Variants in DPH6 observed in about 807,000 individuals in gnomAD.
DPH6 encodes the protein diphthamine biosynthesis 6.
A neutral mutation model predicts 38.2 loss-of-function variants in DPH6; 33 were observed. That is an observed-to-expected ratio of 0.86 (90% CI 0.65 to 1.15). DPH6 has a LOEUF of 1.15. DPH6 is among the 50% of genes most tolerant of loss of function. The pLI, the probability that DPH6 is intolerant of heterozygous loss-of-function variation, is 0.00. For missense variants in DPH6, 325 were observed against 320.0 expected (o/e 1.02, Z -0.12); for synonymous variants, 108 against 103.0 (o/e 1.05, Z -0.30).
chr15:35,349,524 C>A (rs1215500893), intron 3 of DPH6, among the ~76,000 whole-genome samples: 3 of 152,146 alleles, frequency 2.0e-5, no homozygotes, highest in Admixed American at 6.5e-5. Context: ...GCAACCTCTG[C>A]CTTCTGGGTT....
intron 5 of DPH6, among the ~76,000 whole-genome samples, 157 bp downstream of exon 5, chr15:35,450,528 T>C (rs2053918770): frequency 6.6e-6 from 1 of 152,140 alleles, no homozygotes; most frequent in Non-Finnish European, 1.5e-5. Flanking sequence ...AAACTTCCTT[T>C]TCTTTATGCA....
intron 3 of DPH6, among the ~76,000 whole-genome samples, chr15:35,344,635 T>A (rs187827582): frequency 1.1e-4 from 17 of 152,038 alleles, no homozygotes; most frequent in Non-Finnish European, 1.9e-4. Context: ...GCATATGATA[T>A]AATACATTGT....
intron 3 of DPH6, chr15:35,299,372 G>C (rs190268515): frequency 1.0e-3 from 934 of 925,618 alleles, no homozygotes; most frequent in Non-Finnish European, 1.5e-3. Flanking sequence ...TGAGACTGTA[G>C]AAGTTTGAAG....
chr15:35,291,701 G>T (rs183394524), intron 3 of DPH6, among the ~76,000 whole-genome samples: 1 of 152,162 alleles, frequency 6.6e-6, no homozygotes, highest in South Asian at 2.1e-4. Context: ...AAAAGATGAT[G>T]TGATATCTTA....
At chr15:35,410,754 AT>A in intron 6 of DPH6, 80 bp downstream of exon 6, 1 of 1,200,652 alleles carries the variant, frequency 8.3e-7, no homozygotes, top group Non-Finnish European at 1.1e-6. Flanking sequence ...AATAAAGTAA[AT>A]TTTTTAATCA....
intron 5 of DPH6, among the ~76,000 whole-genome samples, chr15:35,437,544 G>A (rs62003575): frequency 1.8e-3 from 279 of 152,318 alleles, no homozygotes; most frequent in Non-Finnish European, 3.4e-3. Flanking sequence ...GGTGCAAACC[G>A]GTAAAGGGAA....
intron 3 of DPH6, among the ~76,000 whole-genome samples, chr15:35,252,237 A>T (rs934244505): frequency 6.6e-6 from 1 of 152,260 alleles, no homozygotes; most frequent in Non-Finnish European, 1.5e-5. Flanking sequence ...TCATGTCAAT[A>T]GGTACTATTA....
chr15:35,292,252 T>A (rs2051985138), intron 3 of DPH6, among the ~76,000 whole-genome samples: 2 of 152,194 alleles, frequency 1.3e-5, no homozygotes, highest in Admixed American at 6.5e-5. Flanking sequence ...CACCTGATAG[T>A]GTTATTAACT....
chr15:35,270,418 A>G (rs2051815454), intron 3 of DPH6, among the ~76,000 whole-genome samples: 1 of 152,164 alleles, frequency 6.6e-6, no homozygotes, highest in South Asian at 2.1e-4. Flanking sequence ...GGTAAATAGA[A>G]CCATCTGGGC....
chr15:35,390,805 G>T (rs1220350617), intron 6 of DPH6, among the ~76,000 whole-genome samples: 1 of 152,036 alleles, frequency 6.6e-6, no homozygotes, highest in Non-Finnish European at 1.5e-5. Flanking sequence ...CTTTAGCTCG[G>T]AGTAGTTTGA....
chr15:35,405,406 T>C (rs1297046172), intron 6 of DPH6, among the ~76,000 whole-genome samples: 1 of 152,086 alleles, frequency 6.6e-6, no homozygotes, highest in African/African-American at 2.4e-5. Flanking sequence ...ATAGTTTTCT[T>C]TGTAGACATC....
At chr15:35,187,878 C>T in the DPH6 span, among the ~76,000 whole-genome samples, 1 of 152,208 alleles carries the variant, frequency 6.6e-6, no homozygotes, top group Admixed American at 6.5e-5. Context: ...TGAGGTGGCT[C>T]ATGCCTGTAA....
intron 3 of DPH6, among the ~76,000 whole-genome samples, chr15:35,230,694 A>T (rs1052924132): frequency 1.1e-4 from 16 of 152,170 alleles, no homozygotes; most frequent in Non-Finnish European, 1.5e-4. Flanking sequence ...CTGGTTATTC[A>T]GGGCTCAAGG....
At chr15:35,542,965 T>TATATATATATATATATATATATATATATA (rs58422347) in intron 1 of DPH6, among the ~76,000 whole-genome samples, 5 of 76,170 alleles carry the variant, frequency 6.6e-5, no homozygotes, top group East Asian at 5.2e-4. Context: ...TATATATATA[T>TATATATATATATATATATATATATATATA]AAAATAATTT....
chr15:35,166,922 C>T, the DPH6 span, among the ~76,000 whole-genome samples: 1 of 151,888 alleles, frequency 6.6e-6, no homozygotes, highest in South Asian at 2.1e-4. Flanking sequence ...AGAGATAAGA[C>T]ATGACTTTGC....
At chr15:35,270,032 C>T (rs2051812517) in intron 3 of DPH6, among the ~76,000 whole-genome samples, 1 of 151,650 alleles carries the variant, frequency 6.6e-6, no homozygotes, top group South Asian at 2.1e-4. Context: ...ATCTCCTGAC[C>T]TCGTGATCCG....
At chr15:35,544,428 C>T (rs1360263565) in intron 1 of DPH6, among the ~76,000 whole-genome samples, 1 of 151,866 alleles carries the variant, frequency 6.6e-6, no homozygotes, top group Non-Finnish European at 1.5e-5. Context: ...GTGCAGCAAA[C>T]CACCGTGGCA....
intron 3 of DPH6, among the ~76,000 whole-genome samples, chr15:35,221,346 A>T (rs1259657433): frequency 6.6e-6 from 1 of 152,058 alleles, no homozygotes; most frequent in Admixed American, 6.6e-5. Flanking sequence ...CTTCCCTGAC[A>T]GGGACTTTCT....
intron 3 of DPH6, among the ~76,000 whole-genome samples, chr15:35,496,567 A>AATATATATATAT (rs1165939476): frequency 0.012 from 367 of 30,964 alleles, 26 homozygotes; most frequent in Non-Finnish European, 0.016. Context: ...AAAAAAAAAA[A>AATATATATATAT]ATATATATAT....
Sources: allele counts gnomAD v4.1 joint callset (sites outside exome capture counted in the v4.1 genomes callset), GRCh38; gene constraint gnomAD v4.1.1; transcripts MANE v1.5; gene names NCBI Gene and HGNC (gene_info 2026-07-23, HGNC 2026-07-21).